ADAMTSL1: variants seen among roughly 807,000 people sequenced by gnomAD.
The protein encoded by ADAMTSL1 is ADAMTS-like protein 1.
In ADAMTSL1, 126 loss-of-function variants were observed where a neutral mutation model predicts 201.8. The ratio of observed to expected loss-of-function variants is 0.62; its 90% CI spans 0.54 to 0.72. The LOEUF is 0.72. ADAMTSL1 is among the 30% of genes least tolerant of loss of function. The probability of loss-of-function intolerance (pLI) is 0.00; values close to 1 mark genes in which losing one functional copy is unlikely to be tolerated. For missense variants in ADAMTSL1, 2,679 were observed against 2,277.8 expected (o/e 1.18, Z -3.59); for synonymous variants, 1,121 against 903.4 (o/e 1.24, Z -4.32).
At chr9:18,631,833 A>G (rs1033681018) in intron 5 of ADAMTSL1, among the ~76,000 whole-genome samples, 51 of 152,228 alleles carry the variant, frequency 3.4e-4, no homozygotes, top group African/African-American at 1.2e-3. Flanking sequence ...CTGTGAAATG[A>G]CAGAATTTAT....
intron 1 of ADAMTSL1, among the ~76,000 whole-genome samples, chr9:18,002,901 A>G (rs773800977): frequency 2.0e-5 from 3 of 152,070 alleles, no homozygotes; most frequent in Admixed American, 6.6e-5. Flanking sequence ...TTGTATGTCC[A>G]AAGTCCATTC....
At chr9:18,324,804 A>C (rs1165105457) in intron 2 of ADAMTSL1, among the ~76,000 whole-genome samples, 1 of 152,080 alleles carries the variant, frequency 6.6e-6, no homozygotes, top group South Asian at 2.1e-4. Context: ...TTTTAAATGT[A>C]TCTTCACCAA....
At chr9:18,321,587 A>T (rs1834621488) in intron 2 of ADAMTSL1, among the ~76,000 whole-genome samples, 1 of 152,138 alleles carries the variant, frequency 6.6e-6, no homozygotes, top group Admixed American at 6.5e-5. Context: ...AGGTCAGGAG[A>T]TCGAGACCAT....
At chr9:18,387,343 GAATCCTCCTATAC>G (rs1837840044) in intron 2 of ADAMTSL1, among the ~76,000 whole-genome samples, 1 of 151,810 alleles carries the variant, frequency 6.6e-6, no homozygotes, top group African/African-American at 2.4e-5. Flanking sequence ...CCATGGGATG[GAATCCTCCTATAC>G]AGCCTTGCTA....
intron 1 of ADAMTSL1, among the ~76,000 whole-genome samples, chr9:17,934,695 G>A (rs985086412): frequency 1.3e-5 from 2 of 151,968 alleles, no homozygotes; most frequent in Non-Finnish European, 1.5e-5. Flanking sequence ...GGAGAAAATA[G>A]CAGCTATCAG....
chr9:18,335,755 A>G (rs180851467), intron 2 of ADAMTSL1, among the ~76,000 whole-genome samples: 2 of 152,298 alleles, frequency 1.3e-5, no homozygotes, highest in East Asian at 3.9e-4. Flanking sequence ...GTGCTGTTAG[A>G]TTTTGAAAGT....
intron 1 of ADAMTSL1, among the ~76,000 whole-genome samples, chr9:18,001,759 C>T (rs957165627): frequency 1.3e-5 from 2 of 151,900 alleles, no homozygotes; most frequent in Non-Finnish European, 1.5e-5. Context: ...GGGTGGAGAG[C>T]TCTAGGCATT....
At chr9:18,835,672 A>G (rs1473138632) in intron 23 of ADAMTSL1, among the ~76,000 whole-genome samples, 1 of 152,084 alleles carries the variant, frequency 6.6e-6, no homozygotes, top group African/African-American at 2.4e-5. Context: ...CTCTCTCATT[A>G]GTAGTCCCCA....
intron 23 of ADAMTSL1, among the ~76,000 whole-genome samples, chr9:18,857,406 C>T (rs1320034717): frequency 1.3e-5 from 2 of 152,178 alleles, no homozygotes; most frequent in African/African-American, 4.8e-5. Flanking sequence ...TTTTTATGAC[C>T]TTAACGCTTC....
At chr9:17,993,734 T>C (rs773782553) in intron 1 of ADAMTSL1, among the ~76,000 whole-genome samples, 7 of 152,202 alleles carry the variant, frequency 4.6e-5, no homozygotes, top group Non-Finnish European at 1.0e-4. Context: ...TTGACTTTTG[T>C]TAAAGAAATT....
intron 2 of ADAMTSL1, among the ~76,000 whole-genome samples, chr9:18,332,139 A>G (rs959697623): frequency 6.6e-6 from 1 of 152,158 alleles, no homozygotes; most frequent in Non-Finnish European, 1.5e-5. Context: ...GCACAAGCCC[A>G]AAGTCAATAT....
intron 1 of ADAMTSL1, among the ~76,000 whole-genome samples, chr9:18,059,976 A>G (rs1369981327): frequency 6.6e-6 from 1 of 152,190 alleles, no homozygotes; most frequent in Non-Finnish European, 1.5e-5. Context: ...TAGTACAGTC[A>G]CATAGTGTAA....
intron 2 of ADAMTSL1, among the ~76,000 whole-genome samples, chr9:18,242,138 A>G (rs1831090416): frequency 6.6e-6 from 1 of 152,156 alleles, no homozygotes. Context: ...TAAAGTCAAC[A>G]ACACATCAAA....
chr9:18,198,448 G>A (rs1191018284), intron 2 of ADAMTSL1, among the ~76,000 whole-genome samples: 11 of 149,082 alleles, frequency 7.4e-5, no homozygotes, highest in African/African-American at 2.4e-4. Context: ...AGTGGGCGAA[G>A]GACATGAACA....
At chr9:18,477,224 A>G (rs1451210388) in intron 1 of ADAMTSL1, among the ~76,000 whole-genome samples, 1 of 152,248 alleles carries the variant, frequency 6.6e-6, no homozygotes, top group Non-Finnish European at 1.5e-5. Context: ...ACTTGAAGTC[A>G]AATCACTTCT....
At chr9:18,695,350 G>C (rs1224157541) in intron 13 of ADAMTSL1, among the ~76,000 whole-genome samples, 1 of 152,214 alleles carries the variant, frequency 6.6e-6, no homozygotes, top group Non-Finnish European at 1.5e-5. Flanking sequence ...AGTTTCTGTA[G>C]CTAGCTTGAA....
At chr9:18,238,446 G>A (rs1830933464) in intron 2 of ADAMTSL1, among the ~76,000 whole-genome samples, 1 of 152,052 alleles carries the variant, frequency 6.6e-6, no homozygotes, top group Non-Finnish European at 1.5e-5. Flanking sequence ...GGGCTTGCAG[G>A]GTGAGAGGTT....
chr9:18,344,067 G>C (rs1338530586), intron 2 of ADAMTSL1, among the ~76,000 whole-genome samples: 1 of 152,034 alleles, frequency 6.6e-6, no homozygotes, highest in East Asian at 1.9e-4. Flanking sequence ...AAAACCATTA[G>C]ATAACAGTCC....
intron 1 of ADAMTSL1, among the ~76,000 whole-genome samples, chr9:18,053,962 A>G (rs1822056620): frequency 6.6e-6 from 1 of 152,136 alleles, no homozygotes; most frequent in Non-Finnish European, 1.5e-5. Flanking sequence ...TGATGGTGTT[A>G]AAAGTACAGA....
Sources: allele counts gnomAD v4.1 joint callset (sites outside exome capture counted in the v4.1 genomes callset), GRCh38; gene constraint gnomAD v4.1.1; transcripts MANE v1.5; gene names NCBI Gene and HGNC (gene_info 2026-07-23, HGNC 2026-07-21).